Variants in TMEM38B observed in about 807,000 individuals in gnomAD.
TMEM38B encodes the protein transmembrane protein 38B.
TMEM38B carries 24 observed loss-of-function variants against 28.7 expected under a neutral mutation model. That is an observed-to-expected ratio of 0.84 (90% confidence interval 0.61 to 1.18). The LOEUF is 1.18. Among genes scored for constraint, TMEM38B ranks in the 50% most tolerant of loss-of-function variants. TMEM38B has a pLI of 0.00. For synonymous variants in TMEM38B, 131 were observed against 127.7 expected (o/e 1.03, Z -0.17); for missense variants, 380 against 350.9 (o/e 1.08, Z -0.66).
Position 105,694,700 on chromosome 9 carries a change from C to A in TMEM38B, c.40C>A (p.Arg14Ser), listed in dbSNP as rs150109643. 1 of 1,614,006 alleles carries A rather than the reference C, an allele frequency of 6.2e-7. No homozygotes were observed. Among genetic ancestry groups the A allele is most frequent in the Admixed American group, 1.7e-5 (1 of 60,028 alleles). Residue 14 changes from arginine to serine, a missense_variant, in exon 1 of 6, where the codon CGC (arginine) becomes AGC (serine). Coordinates refer to ENST00000374692, the MANE Select transcript of TMEM38B (RefSeq NM_018112.3). ...PWDELALAFS[R>S]TSMFPFFDIA... is the part of the protein sequence containing the mutation. Reference sequence around the variant, plus strand: ...GGACGAGTTGGCTCTGGCCTTCTCCCGCACGTCCATGTTTCCCTTTTTTGA... The same window carrying A: ...GGACGAGTTGGCTCTGGCCTTCTCCAGCACGTCCATGTTTCCCTTTTTTGA...
chr9:105,710,515 C>A, intron 2 of TMEM38B: 1 of 1,220,920 alleles, frequency 8.2e-7, no homozygotes, highest in Non-Finnish European at 1.2e-6. Context: ...TCTTCCGATC[C>A]CCCTGGGCAA....
chr9:105,721,626 T>C lies in TMEM38B; in HGVS notation c.359T>C (p.Val120Ala), dbSNP rs368310445. 6 of 1,613,572 alleles carry C rather than the reference T, an allele frequency of 3.7e-6. No homozygotes were observed. Among genetic ancestry groups the C allele is most frequent in the African/African-American group, 1.3e-5 (1 of 74,916 alleles). ...CTACTGGCTTCGGGAATGAAGGAAG[T>C]GACCAGAACTTGGAAAATAGTAGGT... ...VQLLASGMKE[V>A]TRTWKIVGGV... The change falls in exon 3 of 6, where the codon GTG becomes GCG. Residue 120 changes from valine (V) to alanine (A), a missense_variant. Physicochemically the swap from Val to Ala is moderately conservative, Grantham distance 64. Coordinates refer to ENST00000374692, the MANE Select transcript of TMEM38B (RefSeq NM_018112.3).
intron 4 of TMEM38B, among the ~76,000 whole-genome samples, chr9:105,730,902 G>A (rs1180450541): frequency 4.6e-5 from 7 of 152,016 alleles, no homozygotes; most frequent in African/African-American, 7.2e-5. Flanking sequence ...CTGTGGGATC[G>A]GTGTTGGTAT....
At chr9:105,744,851 C>A (rs1247915380) in intron 4 of TMEM38B, among the ~76,000 whole-genome samples, 2 of 152,012 alleles carry the variant, frequency 1.3e-5, no homozygotes, top group Non-Finnish European at 2.9e-5. Flanking sequence ...GTTTTTTGGT[C>A]CTTGCGATAG....
chr9:105,708,092 G>A (rs1400467378), intron 2 of TMEM38B, among the ~76,000 whole-genome samples: 2 of 152,038 alleles, frequency 1.3e-5, no homozygotes, highest in Non-Finnish European at 2.9e-5. Context: ...CTGCTTCTTT[G>A]ATTATCCCTT....
rs1279667285 is a variant in TMEM38B, at chr9:105,762,617, A to C, written c.661-11248A>C. On this transcript the variant is annotated intron_variant, in intron 5 of 5. Transcript: ENST00000374692. Reference sequence around the variant, plus strand: ...ATTTTTTATGGCTGCATAGTATTCCATGGTGTATATGTGCCACATTTTCTT... The same window carrying C: ...ATTTTTTATGGCTGCATAGTATTCCCTGGTGTATATGTGCCACATTTTCTT... 1.6e-3 allele frequency among the ~76,000 whole-genome samples: 215 copies of C among 135,384 alleles called. 3 individuals are homozygous for C. In the South Asian group the frequency reaches 0.021, roughly 13 times the overall value. 88.8% of individuals were successfully genotyped at this position (135,384 alleles called of 152,430 possible). A position where few individuals can be genotyped will look rare whatever the true frequency, so the allele number is the denominator to read the frequency against.
chr9:105,759,732 G>A, intron 5 of TMEM38B: 1 of 1,602,864 alleles, frequency 6.2e-7, no homozygotes, highest in Non-Finnish European at 8.5e-7. Flanking sequence ...TTCATTCAGA[G>A]GAAAATATTC....
At chr9:105,713,514 C>T (rs1358971263) in intron 2 of TMEM38B, among the ~76,000 whole-genome samples, 1 of 152,194 alleles carries the variant, frequency 6.6e-6, no homozygotes, top group Non-Finnish European at 1.5e-5. Context: ...CCACCTTGGC[C>T]CCCTCTGGAC....
At chr9:105,734,298 A>G (rs534365474) in intron 4 of TMEM38B, among the ~76,000 whole-genome samples, 38 of 152,262 alleles carry the variant, frequency 2.5e-4, no homozygotes, top group African/African-American at 8.7e-4. Flanking sequence ...ATTGTGGTCA[A>G]AATGACACTT....
intron 2 of TMEM38B, among the ~76,000 whole-genome samples, chr9:105,715,944 T>A (rs1405372473): frequency 6.6e-6 from 1 of 152,238 alleles, no homozygotes; most frequent in Non-Finnish European, 1.5e-5. Context: ...GGATTTGATC[T>A]TGATACTTTT....
Position 105,748,069 on chromosome 9 carries a change from T to A in TMEM38B, c.543-4T>A, listed in dbSNP as rs745395082. 6.2e-7 allele frequency: 1 copy of A among 1,601,972 alleles called. No individual in the cohort carries two copies. On this transcript the variant is annotated splice_polypyrimidine_tract_variant and splice_region_variant and intron_variant, in intron 4 of 5. Transcript: ENST00000374692. ...TGCTGATTTAAAATGTGTTTTATTTTCAGCCCTGCCAAGGTAACCCTGCTG... is the reference window on the plus strand; with the variant it reads ...TGCTGATTTAAAATGTGTTTTATTTACAGCCCTGCCAAGGTAACCCTGCTG...
chr9:105,698,594 T>C (rs182453243), intron 1 of TMEM38B, among the ~76,000 whole-genome samples: 1 of 152,282 alleles, frequency 6.6e-6, no homozygotes, highest in East Asian at 1.9e-4. Context: ...AACTACTTGA[T>C]ACATTATTTT....
intron 1 of TMEM38B, among the ~76,000 whole-genome samples, chr9:105,697,274 G>T (rs1244411015): frequency 6.6e-6 from 1 of 152,104 alleles, no homozygotes; most frequent in African/African-American, 2.4e-5. Flanking sequence ...GATGTAGAGG[G>T]CTCCTGAGAT....
intron 4 of TMEM38B, among the ~76,000 whole-genome samples, chr9:105,732,023 A>T: frequency 6.6e-6 from 1 of 152,074 alleles, no homozygotes; most frequent in Non-Finnish European, 1.5e-5. Flanking sequence ...ATGGTATCTC[A>T]TTGTGTTTTT....
At chr9:105,720,544 G>T (rs959870504) in intron 2 of TMEM38B, among the ~76,000 whole-genome samples, 1 of 151,950 alleles carries the variant, frequency 6.6e-6, no homozygotes, top group African/African-American at 2.4e-5. Context: ...AAGAAGAAAG[G>T]GTGCTTTAGG....
chr9:105,713,633 G>C (rs1425083652), intron 2 of TMEM38B, among the ~76,000 whole-genome samples: 1 of 152,188 alleles, frequency 6.6e-6, no homozygotes, highest in Non-Finnish European at 1.5e-5. Flanking sequence ...GATGGATGAC[G>C]TGGGAGGCAG....
At chr9:105,733,424 T>TTA (rs1013026492) in intron 4 of TMEM38B, among the ~76,000 whole-genome samples, 2 of 144,348 alleles carry the variant, frequency 1.4e-5, no homozygotes, top group African/African-American at 5.3e-5. Context: ...CTTTTTTCTT[T>TTA]TTTTTTTTTT....
chr9:105,725,370 A>G (rs367750363), intron 4 of TMEM38B, among the ~76,000 whole-genome samples: 1 of 150,314 alleles, frequency 6.7e-6, no homozygotes, highest in Non-Finnish European at 1.5e-5. Flanking sequence ...CACCTAGCAC[A>G]TAGTAGATAA....
chr9:105,769,593 T>G (rs1826482087), intron 5 of TMEM38B, among the ~76,000 whole-genome samples: 1 of 152,168 alleles, frequency 6.6e-6, no homozygotes. Context: ...TGGCTACACA[T>G]TCTGTTGATG....
Sources: gnomAD v4.1 joint callset for allele counts (sites outside exome capture counted in the v4.1 genomes callset) on GRCh38, gnomAD v4.1.1 for gene constraint, MANE v1.5 for transcripts, NCBI Gene and HGNC (gene_info 2026-07-23, HGNC 2026-07-21) for gene names.